The following DNAH3 variants were observed in gnomAD, a reference collection of about 807,000 sequenced individuals.
DNAH3 encodes the protein dynein axonemal heavy chain 3, also known as axonemal beta dynein heavy chain 3.
In DNAH3, 332 loss-of-function variants were observed where a neutral mutation model predicts 432.5. That is an observed-to-expected ratio of 0.77 (90% CI 0.70 to 0.84). The LOEUF (loss-of-function observed/expected upper bound fraction) is 0.84, where lower values mean the gene tolerates loss of function less well. Among genes scored for constraint, DNAH3 ranks in the 40% least tolerant of loss-of-function variants. The pLI is 0.00. For missense variants in DNAH3, 4,861 were observed against 5,114.0 expected, an observed-to-expected ratio of 0.95 and a Z score of 1.51; for synonymous variants, 1,956 against 1,900.2, an observed-to-expected ratio of 1.03 and a Z score of -0.76.
chr16:20,988,075 A>T lies in DNAH3; in HGVS notation c.6602-10T>A. 1.2e-6 allele frequency: 2 copies of T among 1,613,718 alleles called. No homozygotes were observed. Among genetic ancestry groups the T allele is most frequent in the Non-Finnish European group, 1.7e-6 (2 of 1,179,984 alleles). On this transcript the variant is annotated splice_polypyrimidine_tract_variant and intron_variant, in intron 44 of 61. Transcript: ENST00000261383. ...TGGCGAGTGAATCGTCCTGGGGAATACAACACACAAGTGAATCATCCTGGA... is the reference window on the plus strand; with the variant it reads ...TGGCGAGTGAATCGTCCTGGGGAATTCAACACACAAGTGAATCATCCTGGA...
chr16:20,997,725 A>G (rs1187037618), intron 43 of DNAH3, among the ~76,000 whole-genome samples: 1 of 151,276 alleles, frequency 6.6e-6, no homozygotes, highest in East Asian at 2.0e-4. Context: ...TTGGCCGGGC[A>G]TGGTGGCTCA....
intron 41 of DNAH3, among the ~76,000 whole-genome samples, chr16:21,014,708 C>T (rs1407936173): frequency 1.3e-5 from 2 of 152,086 alleles, no homozygotes; most frequent in Non-Finnish European, 2.9e-5. Context: ...CACAAAAAGA[C>T]TCCTGGAACT....
At chr16:21,071,051 T>C (rs985270745) in intron 21 of DNAH3, among the ~76,000 whole-genome samples, 1 of 151,418 alleles carries the variant, frequency 6.6e-6, no homozygotes, top group Non-Finnish European at 1.5e-5. Flanking sequence ...TGCCTGGATT[T>C]TTTTTTTTAA....
intron 58 of DNAH3, among the ~76,000 whole-genome samples, chr16:20,944,201 GA>G (rs750181446): frequency 0.054 from 243 of 4,494 alleles, 1 homozygote; most frequent in Admixed American, 0.1. Context: ...AAAAGCAAAA[GA>G]AAAAAAAAAA....
intron 50 of DNAH3, among the ~76,000 whole-genome samples, chr16:20,978,486 G>A (rs1371465637): frequency 6.6e-6 from 1 of 152,186 alleles, no homozygotes; most frequent in African/African-American, 2.4e-5. Context: ...CTGAGATTGC[G>A]CCACTGAGTT....
At chr16:21,101,285 CA>C (rs1406397888) in intron 16 of DNAH3, among the ~76,000 whole-genome samples, 7 of 152,164 alleles carry the variant, frequency 4.6e-5, no homozygotes, top group Non-Finnish European at 4.4e-5. Context: ...GGGTACTCAA[CA>C]TATCACTTTC....
At chr16:20,979,906 C>T (rs578081744) in intron 49 of DNAH3, among the ~76,000 whole-genome samples, 10 of 152,226 alleles carry the variant, frequency 6.6e-5, no homozygotes, top group South Asian at 2.1e-4. Context: ...TGTGCCACCA[C>T]GCCCAGCTAA....
chr16:21,157,486 T>TTGG (rs2092906799), intron 1 of DNAH3, among the ~76,000 whole-genome samples: 1 of 151,944 alleles, frequency 6.6e-6, no homozygotes, highest in African/African-American at 2.4e-5. Flanking sequence ...CGCACCACCA[T>TTGG]GCCTGGCTAG....
chr16:21,128,599 G>A (rs1167882462), intron 7 of DNAH3, among the ~76,000 whole-genome samples: 1 of 151,878 alleles, frequency 6.6e-6, no homozygotes, highest in Admixed American at 6.6e-5. Flanking sequence ...GGAGGCTGAG[G>A]CAGAGAATTG....
chr16:21,013,536 C>A (rs915392564), intron 41 of DNAH3, among the ~76,000 whole-genome samples: 1 of 151,932 alleles, frequency 6.6e-6, no homozygotes, highest in East Asian at 1.9e-4. Flanking sequence ...GCCTGACCAA[C>A]GTGGAGAAAC....
chr16:21,004,046 C>A (rs1012386296), intron 41 of DNAH3, among the ~76,000 whole-genome samples: 3 of 152,122 alleles, frequency 2.0e-5, no homozygotes, highest in African/African-American at 7.2e-5. Context: ...TGAAGTGAAA[C>A]TGAAGGACCT....
chr16:20,999,915 C>T (rs979797254), intron 43 of DNAH3, among the ~76,000 whole-genome samples: 2 of 151,476 alleles, frequency 1.3e-5, no homozygotes, highest in African/African-American at 2.4e-5. Context: ...AACAGCACAG[C>T]CCCCTTCTGA....
At chr16:21,006,417 C>A (rs548160971) in intron 41 of DNAH3, among the ~76,000 whole-genome samples, 1 of 152,218 alleles carries the variant, frequency 6.6e-6, no homozygotes, top group South Asian at 2.1e-4. Context: ...GTACTTTTAG[C>A]ATACCAAAAC....
exon 53 of DNAH3, chr16:20,964,871 T>A: frequency 1.2e-6 from 2 of 1,614,128 alleles, no homozygotes; most frequent in South Asian, 2.2e-5. Context: ...TAAGCCACAG[T>A]TCCTGAGGAC....
At chr16:21,124,829 T>C (rs751722997) in intron 9 of DNAH3, among the ~76,000 whole-genome samples, 5 of 152,136 alleles carry the variant, frequency 3.3e-5, no homozygotes, top group Non-Finnish European at 5.9e-5. Context: ...TTTGTATTTT[T>C]AGTAGAGACA....
Position 20,993,066 on chromosome 16 carries a change from A to AT in DNAH3, c.6601+4216dup, listed in dbSNP as rs1436219901. ...TTTTTAGTAGAGGCAGGGTTTCACC[A>AT]TGTTGGCCAGGCTGGTCTCAAACTC... is the stretch of plus-strand genomic sequence containing the variant. On this transcript the variant is annotated intron_variant, in intron 44 of 61. Coordinates refer to ENST00000261383, the Ensembl canonical transcript of DNAH3. Among the ~76,000 whole-genome samples the AT allele has an allele frequency of 2.6e-5, 4 of 151,752 alleles. No individual in the cohort carries two copies. In the East Asian group the frequency reaches 7.8e-4, roughly 30 times the overall value.
chr16:20,997,314 C>A, exon 44 of DNAH3: 1 of 1,614,134 alleles, frequency 6.2e-7, no homozygotes, highest in Non-Finnish European at 8.5e-7. Flanking sequence ...CCCCGGGGGG[C>A]CCCATGGCTG....
At chr16:21,027,197 A>C in intron 37 of DNAH3, 70 bp from the exon 38 acceptor site, 1 of 1,093,778 alleles carries the variant, frequency 9.1e-7, no homozygotes, top group Non-Finnish European at 1.4e-6. Context: ...AAGAGGTCTC[A>C]GTGCAGACAA....
intron 18 of DNAH3, among the ~76,000 whole-genome samples, chr16:21,091,547 G>C (rs2091535845): frequency 6.6e-6 from 1 of 152,186 alleles, no homozygotes; most frequent in South Asian, 2.1e-4. Flanking sequence ...CCCAGGCACA[G>C]TGGCTCATGC....
Sources: gnomAD v4.1 joint callset for allele counts (sites outside exome capture counted in the v4.1 genomes callset) on GRCh38, gnomAD v4.1.1 for gene constraint, MANE v1.5 for transcripts, NCBI Gene and HGNC (gene_info 2026-07-23, HGNC 2026-07-21) for gene names.